Variants in TMEM140 observed in about 807,000 individuals in gnomAD.
TMEM140 encodes the protein transmembrane protein 140.
For missense variants in TMEM140, 236 were observed against 228.5 expected (o/e 1.03, Z -0.21); for synonymous variants, 107 against 106.8 (o/e 1.00, Z -0.01).
chr7:135,156,033 T>C (rs974572430), intron 1 of TMEM140, among the ~76,000 whole-genome samples: 2 of 39,420 alleles, frequency 5.1e-5, no homozygotes, highest in Non-Finnish European at 1.3e-4. Context: ...AGACACACTG[T>C]TTTTTTTTTT....
chr7:135,157,303 C>T (rs934005922), intron 1 of TMEM140, among the ~76,000 whole-genome samples: 5 of 152,172 alleles, frequency 3.3e-5, no homozygotes, highest in African/African-American at 1.2e-4. Flanking sequence ...TGCCTGCAGT[C>T]GTGTGATCTT....
At chr7:135,159,034 TAA>T (rs1364146926) in intron 1 of TMEM140, among the ~76,000 whole-genome samples, 1 of 152,270 alleles carries the variant, frequency 6.6e-6, no homozygotes, top group African/African-American at 2.4e-5. Flanking sequence ...GCCAAGATTA[TAA>T]AAGTTTGTTT....
intron 1 of TMEM140, among the ~76,000 whole-genome samples, chr7:135,153,347 G>A (rs6978240): frequency 0.48 from 73,389 of 151,336 alleles, 18,162 homozygotes; most frequent in South Asian, 0.66. Flanking sequence ...CTAGCTACTC[G>A]GGAGGCTGAG....
At chr7:135,163,925 A>C (rs1285111076) in intron 1 of TMEM140, among the ~76,000 whole-genome samples, 1 of 152,220 alleles carries the variant, frequency 6.6e-6, no homozygotes, top group African/African-American at 2.4e-5. Flanking sequence ...GCTCTGATTG[A>C]TCTGTGGCCC....
intron 1 of TMEM140, among the ~76,000 whole-genome samples, chr7:135,158,889 A>G (rs1169828860): frequency 6.6e-6 from 1 of 152,224 alleles, no homozygotes; most frequent in East Asian, 1.9e-4. Flanking sequence ...CACCCTGCTG[A>G]GGCTGCTCCA....
Position 135,164,504 on chromosome 7 carries a change from G to T in TMEM140, c.63G>T (p.Val21=). The change falls in exon 2 of 2, where the codon GTG becomes GTT. Residue 21 remains valine, a synonymous_variant. Transcript: ENST00000275767. ...TGTTCATGAGCATCATAGTCCTCGTGATTGTGGTCATCTGCCTGATGTTTT... is the reference window on the plus strand; with the variant it reads ...TGTTCATGAGCATCATAGTCCTCGTTATTGTGGTCATCTGCCTGATGTTTT... ...QLLFMSIIVL[V]IVVICLMFYA... is the part of the protein sequence containing the mutation. 6.2e-7 allele frequency: 1 copy of T among 1,613,360 alleles called. No homozygotes were observed.
intron 1 of TMEM140, among the ~76,000 whole-genome samples, chr7:135,156,048 T>A (rs1220857203): frequency 6.6e-6 from 1 of 152,174 alleles, no homozygotes. Context: ...TTTTTTCCCT[T>A]TAGCACTTTG....
At position 135,164,757 on chromosome 7, in the gene TMEM140, T is replaced by G; in HGVS notation, c.316T>G (p.Cys106Gly). ...CCCCCAGCCTCTCCTCCTAGCCCAG[T>G]GCAACAGTGATGAGAGAGCGTGGCG... ...FAPQPLLLAQ[C>G]NSDERAWRLA... Residue 106 changes from cysteine (C) to glycine (G), a missense_variant, in exon 2 of 2, where the codon TGC becomes GGC. Cys to Gly is a radical substitution (Grantham distance 159). Transcript: ENST00000275767. 6.2e-7 allele frequency: 1 copy of G among 1,614,196 alleles called. No individual in the cohort carries two copies. Among genetic ancestry groups the G allele is most frequent in the Non-Finnish European group, 8.5e-7 (1 of 1,180,008 alleles).
intron 1 of TMEM140, among the ~76,000 whole-genome samples, chr7:135,158,987 C>T (rs1390604729): frequency 6.6e-6 from 1 of 152,252 alleles, no homozygotes; most frequent in East Asian, 1.9e-4. Flanking sequence ...ATGTCAGGCC[C>T]AGGCCCTGGC....
chr7:135,163,747 G>T (rs1472291371), intron 1 of TMEM140, among the ~76,000 whole-genome samples: 2 of 152,210 alleles, frequency 1.3e-5, no homozygotes, highest in African/African-American at 4.8e-5. Flanking sequence ...GTATATGATG[G>T]GATTTCATCA....
intron 1 of TMEM140, among the ~76,000 whole-genome samples, chr7:135,156,534 T>G (rs1472617711): frequency 6.6e-6 from 1 of 152,084 alleles, no homozygotes; most frequent in Non-Finnish European, 1.5e-5. Context: ...CTTCAATGAA[T>G]TTTTTAGTTC....
intron 1 of TMEM140, among the ~76,000 whole-genome samples, chr7:135,150,256 A>C (rs1343883413): frequency 6.6e-6 from 1 of 152,224 alleles, no homozygotes; most frequent in African/African-American, 2.4e-5. Context: ...CAAAACAAAT[A>C]TCTCTTCTGA....
intron 1 of TMEM140, chr7:135,152,782 T>C (rs1829696040): frequency 6.6e-6 from 1 of 152,232 alleles, no homozygotes; most frequent in Admixed American, 6.5e-5. Context: ...TTACCTGTTT[T>C]TTCTTTTAAT....
At chr7:135,159,259 A>G (rs1829869549) in intron 1 of TMEM140, among the ~76,000 whole-genome samples, 1 of 152,250 alleles carries the variant, frequency 6.6e-6, no homozygotes, top group Non-Finnish European at 1.5e-5. Context: ...GTGGAGGCAC[A>G]TACTACCTGT....
Position 135,161,029 on chromosome 7 carries a change from A to T in TMEM140, c.-24-3389A>T, listed in dbSNP as rs1370755043. On this transcript the variant is annotated intron_variant, in intron 1 of 1. Transcript: ENST00000275767. The surrounding 1 kb of genome is among the most constrained non-coding windows in gnomAD (Gnocchi z 4.1). ...CTGGACTGCACAAGGCAAGAGGGGA[A>T]GCTGGGCCTCACCAGAGAATTCCAA... Among the ~76,000 whole-genome samples the T allele has an allele frequency of 2.0e-5, 3 of 152,204 alleles. No homozygotes were observed. Among genetic ancestry groups the T allele is most frequent in the Non-Finnish European group, 4.4e-5 (3 of 68,028 alleles).
At position 135,151,932 on chromosome 7, in the gene TMEM140, A is replaced by C. The variant is rs1265533841; in HGVS notation, c.-25+3662A>C. Among the ~76,000 whole-genome samples the C allele has an allele frequency of 1.3e-5, 2 of 152,150 alleles. No individual in the cohort carries two copies. Among genetic ancestry groups the C allele is most frequent in the Non-Finnish European group, 2.9e-5 (2 of 68,022 alleles). Reference sequence around the variant, plus strand: ...AACATAAATGAGACCAGCTTCCTAGAGTTCATCTCTGGGAATGAACCCTGG... The same window carrying C: ...AACATAAATGAGACCAGCTTCCTAGCGTTCATCTCTGGGAATGAACCCTGG... On this transcript the variant is annotated intron_variant, in intron 1 of 1. Transcript: ENST00000275767. The surrounding 1 kb of genome is among the most constrained non-coding windows in gnomAD (Gnocchi z 4.3).
chr7:135,164,828 C>A lies in TMEM140; in HGVS notation c.387C>A (p.Gly129=), dbSNP rs775925118. 16 of 1,614,018 alleles carry A rather than the reference C, an allele frequency of 9.9e-6. No individual in the cohort carries two copies. Among genetic ancestry groups the A allele is most frequent in the Non-Finnish European group, 1.3e-5 (15 of 1,179,912 alleles). ...FLAVSSVLLA[G]GLGLFLSYVW... Reference sequence around the variant, plus strand: ...CTGTGTCCTCTGTGCTGCTGGCAGGCGGCCTGGGCCTCTTCCTCTCCTATG... The same window carrying A: ...CTGTGTCCTCTGTGCTGCTGGCAGGAGGCCTGGGCCTCTTCCTCTCCTATG... Residue 129 remains glycine (G), a synonymous_variant, in exon 2 of 2, where the codon GGC becomes GGA. Transcript: ENST00000275767.
intron 1 of TMEM140, among the ~76,000 whole-genome samples, chr7:135,156,731 T>G (rs1829803283): frequency 6.6e-6 from 1 of 152,192 alleles, no homozygotes; most frequent in Admixed American, 6.5e-5. Context: ...TTGATTGGGA[T>G]CTGCTGCTGC....
rs1322832912 is a variant in TMEM140, at chr7:135,164,843, C to T, written c.402C>T (p.Phe134=). Residue 134 remains phenylalanine, a synonymous_variant, in exon 2 of 2, where the codon TTC becomes TTT. Coordinates refer to ENST00000275767, the MANE Select transcript of TMEM140 (RefSeq NM_018295.5). ...TGCTGGCAGGCGGCCTGGGCCTCTT[C>T]CTCTCCTATGTGTGGAAGTGGGTCA... ...SVLLAGGLGL[F]LSYVWKWVRL... The T allele has an allele frequency of 6.2e-7, 1 of 1,613,888 alleles. No individual in the cohort carries two copies. Among genetic ancestry groups the T allele is most frequent in the East Asian group, 2.2e-5 (1 of 44,890 alleles).
Sources: gnomAD v4.1 joint callset for allele counts (sites outside exome capture counted in the v4.1 genomes callset) on GRCh38, gnomAD v4.1.1 for gene constraint, Gnocchi (gnomAD v3.1) non-coding constraint, MANE v1.5 for transcripts, NCBI Gene and HGNC (gene_info 2026-07-23, HGNC 2026-07-21) for gene names.